The following PRKN variants were observed in gnomAD, a reference collection of about 807,000 sequenced individuals.
PRKN encodes the protein parkin RBR E3 ubiquitin protein ligase.
A neutral mutation model predicts 59.5 loss-of-function variants in PRKN; 56 were observed. The observed-to-expected ratio is 0.94, with a 90% CI of 0.76 to 1.18. The LOEUF (loss-of-function observed/expected upper bound fraction) is 1.18. Ranked by LOEUF, PRKN falls within the 50% of genes most tolerant of loss-of-function variation. The pLI is 0.00. For synonymous variants in PRKN, 250 were observed against 222.1 expected, an observed-to-expected ratio of 1.13 and a Z score of -1.12; for missense variants, 657 against 596.4, an observed-to-expected ratio of 1.10 and a Z score of -1.06.
At chr6:162,677,873 T>G in intron 1 of PRKN, among the ~76,000 whole-genome samples, 1 of 152,184 alleles carries the variant, frequency 6.6e-6, no homozygotes, top group East Asian at 1.9e-4. Flanking sequence ...TTTGGACATA[T>G]ACATATACCC....
intron 3 of PRKN, among the ~76,000 whole-genome samples, chr6:162,258,589 G>A (rs904294533): frequency 7.2e-5 from 11 of 151,968 alleles, no homozygotes; most frequent in African/African-American, 2.4e-4. Flanking sequence ...TTACTATTTC[G>A]GGCAGTACTA....
rs141165092 is a variant in PRKN at position 162,095,094 on chromosome 6, T to C, written c.535-40920A>G. ...TGAAGATGGCTGGGGTGAAGCCATC[T>C]TTCTACTGGGTCTTCAGGGGAAGGC... On this transcript the variant is annotated intron_variant, in intron 4 of 11. Transcript: ENST00000366898. Among the ~76,000 whole-genome samples, 384 of 152,322 alleles carry C rather than the reference T, an allele frequency of 2.5e-3. 2 individuals are homozygous for C. Among genetic ancestry groups the C allele is most frequent in the African/African-American group, 9.0e-3 (375 of 41,578 alleles).
intron 1 of PRKN, among the ~76,000 whole-genome samples, chr6:162,660,641 A>G (rs1411281104): frequency 1.3e-5 from 2 of 152,150 alleles, no homozygotes; most frequent in Non-Finnish European, 2.9e-5. Context: ...CTACAAGAGT[A>G]GGAGGCTCCT....
At position 161,444,358 on chromosome 6, in the gene PRKN, GT is replaced by G. The variant is rs1403202419; in HGVS notation, c.1084-57482del. 6.6e-6 allele frequency among the ~76,000 whole-genome samples: 1 copy of G among 152,158 alleles called. No homozygotes were observed. Among genetic ancestry groups the G allele is most frequent in the Non-Finnish European group, 1.5e-5 (1 of 68,026 alleles). On this transcript the variant is annotated intron_variant, in intron 9 of 11. Transcript: ENST00000366898. The surrounding 1 kb of genome is among the most constrained non-coding windows in gnomAD (Gnocchi z 5.6). Reference sequence around the variant, plus strand: ...ATGAACAGAATGTGCTCTGTAATGGGTTTAGCCAAAGCATCCCCACCACCTT... The same window carrying G: ...ATGAACAGAATGTGCTCTGTAATGGGTTAGCCAAAGCATCCCCACCACCTT...
chr6:162,298,156 G>C (rs1781766690), intron 2 of PRKN, among the ~76,000 whole-genome samples: 1 of 151,314 alleles, frequency 6.6e-6, no homozygotes. Context: ...GAGGTCAATG[G>C]GTACAGACGG....
At chr6:162,680,382 A>C (rs1779727248) in intron 1 of PRKN, among the ~76,000 whole-genome samples, 1 of 150,192 alleles carries the variant, frequency 6.7e-6, no homozygotes, top group Admixed American at 6.6e-5. Flanking sequence ...AAACAAATTA[A>C]AAAACATATA....
At chr6:162,579,196 C>T (rs575613225) in intron 1 of PRKN, among the ~76,000 whole-genome samples, 1 of 152,168 alleles carries the variant, frequency 6.6e-6, no homozygotes, top group Non-Finnish European at 1.5e-5. Context: ...TCCATTGAAT[C>T]TATCTGTCAC....
chr6:161,667,312 T>C (rs551389186), intron 7 of PRKN, among the ~76,000 whole-genome samples: 1 of 152,322 alleles, frequency 6.6e-6, no homozygotes, highest in African/African-American at 2.4e-5. Context: ...GCTGGTCCAT[T>C]GCTGACAGGC....
intron 2 of PRKN, among the ~76,000 whole-genome samples, chr6:162,301,470 G>T (rs1273166435): frequency 6.6e-6 from 1 of 152,096 alleles, no homozygotes; most frequent in South Asian, 2.1e-4. Context: ...GGGCGGCCTA[G>T]ACAACAGACA....
chr6:161,392,893 A>G (rs1786578438), intron 9 of PRKN, among the ~76,000 whole-genome samples: 1 of 152,148 alleles, frequency 6.6e-6, no homozygotes, highest in South Asian at 2.1e-4. Context: ...TGTGTTGAGT[A>G]TTTACTTTTA....
chr6:162,135,646 G>A (rs922307308), intron 4 of PRKN, among the ~76,000 whole-genome samples: 14 of 152,042 alleles, frequency 9.2e-5, no homozygotes, highest in South Asian at 2.1e-4. Flanking sequence ...TTGTCTCCAC[G>A]TCAGTGACAG....
chr6:162,546,355 G>A (rs775353221), intron 1 of PRKN, among the ~76,000 whole-genome samples: 1 of 151,864 alleles, frequency 6.6e-6, no homozygotes, highest in Non-Finnish European at 1.5e-5. Flanking sequence ...CGCCTGCCTC[G>A]GTCTCCCAAA....
chr6:161,506,222 T>C (rs1267956912), intron 9 of PRKN, among the ~76,000 whole-genome samples: 2 of 152,040 alleles, frequency 1.3e-5, no homozygotes, highest in East Asian at 1.9e-4. Flanking sequence ...TTTGTAGTTC[T>C]CCTTGAAGAG....
chr6:162,169,314 A>T (rs1298007548), intron 4 of PRKN, among the ~76,000 whole-genome samples: 3 of 152,196 alleles, frequency 2.0e-5, no homozygotes, highest in Non-Finnish European at 4.4e-5. Context: ...CAGTTTCTTC[A>T]GATATTTAAT....
At chr6:162,045,459 A>C (rs1784215809) in intron 5 of PRKN, among the ~76,000 whole-genome samples, 1 of 152,258 alleles carries the variant, frequency 6.6e-6, no homozygotes, top group Non-Finnish European at 1.5e-5. Flanking sequence ...TTTCTCCAAG[A>C]AACATTAGTG....
At chr6:161,420,761 C>T (rs1460488983) in intron 9 of PRKN, among the ~76,000 whole-genome samples, 1 of 152,136 alleles carries the variant, frequency 6.6e-6, no homozygotes, top group Non-Finnish European at 1.5e-5. Context: ...TTCCCCCCCA[C>T]ATCAGCCTCA....
At chr6:162,099,280 T>C (rs1479218896) in intron 4 of PRKN, among the ~76,000 whole-genome samples, 2 of 152,228 alleles carry the variant, frequency 1.3e-5, no homozygotes, top group African/African-American at 4.8e-5. Flanking sequence ...TTTCAGATTA[T>C]TCTAAGGCAT....
rs921884250 is a variant in PRKN at position 162,254,408 on chromosome 6, G to T, written c.412+8117C>A. On this transcript the variant is annotated intron_variant, in intron 3 of 11. Coordinates refer to ENST00000366898, the MANE Select transcript of PRKN (RefSeq NM_004562.3). ...AGAAGTGGGGGTTGCATTGAGCTGA[G>T]ATGGCACCTTTGACTCCAGCCTGGG... Among the ~76,000 whole-genome samples the T allele has an allele frequency of 2.0e-5, 3 of 150,248 alleles. No homozygotes were observed. In the East Asian group the frequency reaches 5.9e-4, roughly 30 times the overall value.
rs558958343 is a variant in PRKN at position 161,414,261 on chromosome 6, T to C, written c.1084-27384A>G. 1.3e-5 allele frequency among the ~76,000 whole-genome samples: 2 copies of C among 152,168 alleles called. No individual in the cohort carries two copies. The highest frequency in any genetic ancestry group is 3.9e-4 in the East Asian group (2 of 5,156). ...CAGATGTCAGAGCCGTGCACCCTTC[T>C]CCGGAAGGCTGGAGGGTGTTCAGCG... On this transcript the variant is annotated intron_variant, in intron 9 of 11. Transcript: ENST00000366898. The surrounding 1 kb of genome is among the most constrained non-coding windows in gnomAD (Gnocchi z 5.3).
Sources: gnomAD v4.1 joint callset for allele counts (sites outside exome capture counted in the v4.1 genomes callset) on GRCh38, gnomAD v4.1.1 for gene constraint, Gnocchi (gnomAD v3.1) non-coding constraint, MANE v1.5 for transcripts, NCBI Gene and HGNC (gene_info 2026-07-23, HGNC 2026-07-21) for gene names.